WDR70: variants seen among roughly 807,000 people sequenced by gnomAD.
The protein encoded by WDR70 is WD repeat-containing protein 70.
In WDR70, 53 loss-of-function variants were observed where a neutral mutation model predicts 88.6. That is an observed-to-expected ratio of 0.60 (90% CI 0.48 to 0.75). The LOEUF (loss-of-function observed/expected upper bound fraction) is 0.75. Ranked by LOEUF, WDR70 falls within the 30% of genes least tolerant of loss-of-function variation. WDR70 has a pLI of 0.00. For synonymous variants in WDR70, 280 were observed against 270.0 expected, an observed-to-expected ratio of 1.04 and a Z score of -0.36; for missense variants, 610 against 823.2, an observed-to-expected ratio of 0.74 and a Z score of 3.17.
At chr5:37,551,530 C>A (rs1444185398) in intron 9 of WDR70, among the ~76,000 whole-genome samples, 1 of 151,804 alleles carries the variant, frequency 6.6e-6, no homozygotes, top group Non-Finnish European at 1.5e-5. Flanking sequence ...GAGTTCAAGA[C>A]CAGCCTTGCC....
chr5:37,468,150 A>G (rs1739217687), intron 7 of WDR70, among the ~76,000 whole-genome samples: 2 of 152,182 alleles, frequency 1.3e-5, no homozygotes, highest in African/African-American at 4.8e-5. Flanking sequence ...CGCCCGGCCT[A>G]TCATATGAAT....
chr5:37,555,976 C>T (rs148996464), intron 9 of WDR70, among the ~76,000 whole-genome samples: 2,320 of 152,268 alleles, frequency 0.015, 53 homozygotes, highest in African/African-American at 0.053. Flanking sequence ...GCCTCAGCTT[C>T]CCAAAGTGCT....
At position 37,631,249 on chromosome 5, in the gene WDR70, T is replaced by C. The variant is rs535981927; in HGVS notation, c.1092+26011T>C. ...AGTCTGGGGGGACAAATGCCAGGCATCTCTAGTTAGCCTTCTTGCCTACCT... is the reference window on the plus strand; with the variant it reads ...AGTCTGGGGGGACAAATGCCAGGCACCTCTAGTTAGCCTTCTTGCCTACCT... On this transcript the variant is annotated intron_variant, in intron 10 of 17. Transcript: ENST00000265107. Among the ~76,000 whole-genome samples, 15 of 152,282 alleles carry C rather than the reference T, an allele frequency of 9.9e-5. 1 individual carries two copies. Among genetic ancestry groups the C allele is most frequent in the African/African-American group, 3.6e-4 (15 of 41,544 alleles).
intron 4 of WDR70, among the ~76,000 whole-genome samples, chr5:37,392,955 T>G (rs1748889314): frequency 6.6e-6 from 1 of 151,796 alleles, no homozygotes; most frequent in Non-Finnish European, 1.5e-5. Flanking sequence ...TCCCAGTTAC[T>G]TCTTTTTGGC....
intron 8 of WDR70, among the ~76,000 whole-genome samples, chr5:37,489,024 G>A (rs1739982704): frequency 6.6e-6 from 1 of 152,214 alleles, no homozygotes; most frequent in Admixed American, 6.5e-5. Context: ...GATTTGTGTA[G>A]TAGTGTAGTC....
intron 10 of WDR70, among the ~76,000 whole-genome samples, chr5:37,673,781 C>T (rs899025440): frequency 6.6e-6 from 1 of 152,060 alleles, no homozygotes; most frequent in Non-Finnish European, 1.5e-5. Flanking sequence ...TGCCCCCTAA[C>T]AACAGGCCCC....
At chr5:37,403,001 C>G (rs904491200) in intron 5 of WDR70, among the ~76,000 whole-genome samples, 4 of 124,016 alleles carry the variant, frequency 3.2e-5, no homozygotes, top group Non-Finnish European at 4.8e-5. Flanking sequence ...GCCTGGAGTG[C>G]ACTGGCACGA....
At chr5:37,733,664 CTATT>C (rs1748219159) in intron 17 of WDR70, among the ~76,000 whole-genome samples, 1 of 122,216 alleles carries the variant, frequency 8.2e-6, no homozygotes, top group South Asian at 3.2e-4. Flanking sequence ...ATGTGTCTAT[CTATT>C]CTTGCAGGTC....
At chr5:37,657,915 C>T (rs1395961506) in intron 10 of WDR70, among the ~76,000 whole-genome samples, 2 of 152,270 alleles carry the variant, frequency 1.3e-5, no homozygotes, top group South Asian at 2.1e-4. Flanking sequence ...ACTTTTGACT[C>T]GCAGAAATTA....
At chr5:37,448,347 C>T (rs1437866126) in intron 7 of WDR70, among the ~76,000 whole-genome samples, 4 of 152,206 alleles carry the variant, frequency 2.6e-5, no homozygotes, top group South Asian at 2.1e-4. Context: ...AGTACTTCCC[C>T]GAGTAGCCCG....
intron 5 of WDR70, among the ~76,000 whole-genome samples, chr5:37,424,385 A>C (rs1750055638): frequency 7.0e-6 from 1 of 143,112 alleles, no homozygotes; most frequent in Admixed American, 7.7e-5. Flanking sequence ...GCACTTTGCA[A>C]GTGACAATTT....
intron 8 of WDR70, among the ~76,000 whole-genome samples, chr5:37,481,112 G>T (rs1482223843): frequency 6.6e-6 from 1 of 152,218 alleles, no homozygotes; most frequent in Non-Finnish European, 1.5e-5. Context: ...CGCCCCTGTG[G>T]CTTTGCAGGG....
At chr5:37,481,006 G>A (rs1739647871) in intron 8 of WDR70, among the ~76,000 whole-genome samples, 1 of 152,190 alleles carries the variant, frequency 6.6e-6, no homozygotes, top group Admixed American at 6.5e-5. Flanking sequence ...CCAAAACCCA[G>A]CAGGCAAATC....
chr5:37,591,838 G>A (rs549159418), intron 9 of WDR70, among the ~76,000 whole-genome samples: 119 of 152,268 alleles, frequency 7.8e-4, no homozygotes, highest in Middle Eastern at 3.4e-3. Context: ...TCATGATTAA[G>A]TCATATTTAA....
At chr5:37,434,902 A>G (rs1750423463) in intron 5 of WDR70, among the ~76,000 whole-genome samples, 2 of 152,182 alleles carry the variant, frequency 1.3e-5, no homozygotes, top group Non-Finnish European at 2.9e-5. Context: ...TGTTATAGCA[A>G]ATTTCACACT....
chr5:37,484,978 A>G (rs976464795), intron 8 of WDR70, among the ~76,000 whole-genome samples: 6 of 152,230 alleles, frequency 3.9e-5, no homozygotes, highest in African/African-American at 1.4e-4. Flanking sequence ...TAGTATAGAT[A>G]AACATACCTG....
intron 10 of WDR70, among the ~76,000 whole-genome samples, chr5:37,613,038 A>G (rs984478996): frequency 2.0e-5 from 3 of 152,242 alleles, no homozygotes; most frequent in African/African-American, 7.2e-5. Context: ...ATAAGTTTTA[A>G]TAATAATGCT....
At chr5:37,730,696 T>G (rs1748121000) in intron 17 of WDR70, among the ~76,000 whole-genome samples, 1 of 152,212 alleles carries the variant, frequency 6.6e-6, no homozygotes. Context: ...TGGAGGTATA[T>G]TCAAGTTTTT....
intron 10 of WDR70, among the ~76,000 whole-genome samples, chr5:37,680,929 T>C (rs1400826841): frequency 6.6e-6 from 1 of 152,200 alleles, no homozygotes; most frequent in Non-Finnish European, 1.5e-5. Context: ...TTAAATAATG[T>C]TAAAATAGAA....
Sources: allele counts gnomAD v4.1 joint callset (sites outside exome capture counted in the v4.1 genomes callset), GRCh38; gene constraint gnomAD v4.1.1; transcripts MANE v1.5; gene names NCBI Gene and HGNC (gene_info 2026-07-23, HGNC 2026-07-21).